ATF6: variants seen among roughly 807,000 people sequenced by gnomAD.
ATF6 encodes the protein activating transcription factor 6.
ATF6 carries 53 observed loss-of-function variants against 83.6 expected under a neutral mutation model. That is an observed-to-expected ratio of 0.63 (90% CI 0.51 to 0.80). The LOEUF (loss-of-function observed/expected upper bound fraction) is 0.80. Ranked by LOEUF, ATF6 falls within the 30% of genes least tolerant of loss-of-function variation. The pLI is 0.00. For missense variants in ATF6, 744 were observed against 797.9 expected (o/e 0.93, Z 0.81); for synonymous variants, 288 against 285.8 (o/e 1.01, Z -0.08).
At chr1:161,860,709 A>T (rs1018459228) in intron 13 of ATF6, among the ~76,000 whole-genome samples, 1 of 152,014 alleles carries the variant, frequency 6.6e-6, no homozygotes, top group Non-Finnish European at 1.5e-5. Context: ...AGTTTATTTT[A>T]TATATAGAAA....
At chr1:161,901,461 A>T (rs1687785114) in intron 14 of ATF6, among the ~76,000 whole-genome samples, 1 of 151,718 alleles carries the variant, frequency 6.6e-6, no homozygotes, top group Admixed American at 6.6e-5. Flanking sequence ...TTTAAATAAC[A>T]TTTTTAATGG....
intron 9 of ATF6, among the ~76,000 whole-genome samples, chr1:161,831,173 A>T (rs1338481916): frequency 6.6e-6 from 1 of 152,234 alleles, no homozygotes. Flanking sequence ...ACATTTATGC[A>T]GCCAAAAGAC....
chr1:161,915,187 A>C (rs917738981), intron 15 of ATF6, among the ~76,000 whole-genome samples: 21 of 152,134 alleles, frequency 1.4e-4, no homozygotes, highest in African/African-American at 4.8e-4. Context: ...AGCTGCATCT[A>C]CACCCACAAA....
intron 15 of ATF6, among the ~76,000 whole-genome samples, chr1:161,950,340 T>G (rs1205280551): frequency 3.3e-5 from 5 of 152,220 alleles, no homozygotes; most frequent in Non-Finnish European, 5.9e-5. Flanking sequence ...GAACATGTAA[T>G]TCCCATGCCT....
At chr1:161,828,702 C>G (rs1685966724) in intron 9 of ATF6, among the ~76,000 whole-genome samples, 1 of 152,124 alleles carries the variant, frequency 6.6e-6, no homozygotes, top group Non-Finnish European at 1.5e-5. Context: ...TACTCAAAGC[C>G]CCTACCTAAT....
Position 161,846,450 on chromosome 1 carries a change from A to G in ATF6, c.1189A>G (p.Met397Val), listed in dbSNP as rs1383539978. The change falls in exon 10 of 16, where the codon ATG becomes GTG. Residue 397 changes from methionine (M) to valine (V), a missense_variant and splice_region_variant. Met to Val is a conservative substitution (Grantham distance 21). Coordinates refer to ENST00000367942, the MANE Select transcript of ATF6 (RefSeq NM_007348.4). ...FIILNYGPMSMLEQDSRRMNP... is the reference protein window; with the variant it reads ...FIILNYGPMSVLEQDSRRMNP... ...TTATTTCCTGTTTTTTATTTTCAGCATGTTGGAACAGGATTCCAGGAGAAT... is the reference window on the plus strand; with the variant it reads ...TTATTTCCTGTTTTTTATTTTCAGCGTGTTGGAACAGGATTCCAGGAGAAT... 4.4e-6 allele frequency: 7 copies of G among 1,596,854 alleles called. No homozygotes were observed. Among genetic ancestry groups the G allele is most frequent in the South Asian group, 3.4e-5 (3 of 88,264 alleles).
At chr1:161,944,741 C>T (rs1688717898) in intron 15 of ATF6, among the ~76,000 whole-genome samples, 1 of 152,156 alleles carries the variant, frequency 6.6e-6, no homozygotes, top group African/African-American at 2.4e-5. Context: ...GGCAAAGAAA[C>T]CAGAAGGCAG....
At chr1:161,898,628 A>G (rs1687722609) in intron 14 of ATF6, among the ~76,000 whole-genome samples, 1 of 151,638 alleles carries the variant, frequency 6.6e-6, no homozygotes, top group African/African-American at 2.4e-5. Flanking sequence ...GCTCACTGCA[A>G]CCTCCACCTC....
intron 15 of ATF6, among the ~76,000 whole-genome samples, chr1:161,922,143 C>T (rs144102489): frequency 3.5e-4 from 53 of 152,254 alleles, no homozygotes; most frequent in South Asian, 1.5e-3. Flanking sequence ...TACAATTCAC[C>T]CTGCATACTG....
chr1:161,782,089 C>T, intron 3 of ATF6, 90 bp downstream of exon 3: 1 of 837,102 alleles, frequency 1.2e-6, no homozygotes, highest in Non-Finnish European at 1.9e-6. Flanking sequence ...GGTTATTGGG[C>T]TATTCTGGTA....
intron 14 of ATF6, among the ~76,000 whole-genome samples, chr1:161,878,068 G>GAT (rs1169018767): frequency 6.6e-6 from 1 of 152,078 alleles, no homozygotes; most frequent in Non-Finnish European, 1.5e-5. Context: ...CTCAAGAGAG[G>GAT]ATAGATCTGA....
chr1:161,882,219 T>C (rs982374566), intron 14 of ATF6, among the ~76,000 whole-genome samples: 5 of 152,116 alleles, frequency 3.3e-5, no homozygotes, highest in African/African-American at 1.2e-4. Flanking sequence ...CAATGAAATG[T>C]TATTTATATA....
intron 15 of ATF6, among the ~76,000 whole-genome samples, chr1:161,944,769 G>C (rs973151531): frequency 2.0e-5 from 3 of 152,182 alleles, no homozygotes; most frequent in African/African-American, 7.2e-5. Context: ...TAAGGCCAGG[G>C]AACTAAATAT....
intron 9 of ATF6, among the ~76,000 whole-genome samples, chr1:161,828,289 G>C (rs1032164837): frequency 6.6e-6 from 1 of 152,072 alleles, no homozygotes; most frequent in African/African-American, 2.4e-5. Flanking sequence ...ACTAAAAAAT[G>C]ATGGATTGAA....
chr1:161,881,642 G>C (rs1687329332), intron 14 of ATF6, among the ~76,000 whole-genome samples: 1 of 152,118 alleles, frequency 6.6e-6, no homozygotes, highest in Non-Finnish European at 1.5e-5. Flanking sequence ...CAGCAATCTG[G>C]AAGCTTTGCG....
At chr1:161,835,068 ATTTTT>A (rs1482671291) in intron 9 of ATF6, among the ~76,000 whole-genome samples, 2 of 152,060 alleles carry the variant, frequency 1.3e-5, no homozygotes, top group Non-Finnish European at 2.9e-5. Context: ...CTTTAATTTT[ATTTTT>A]TATTTTTATT....
At chr1:161,936,331 ATAG>A (rs1688536288) in intron 15 of ATF6, among the ~76,000 whole-genome samples, 1 of 152,092 alleles carries the variant, frequency 6.6e-6, no homozygotes. Context: ...TTGTGGGTAC[ATAG>A]TAGGTGTATA....
chr1:161,818,061 A>G (rs1039784626), intron 7 of ATF6, among the ~76,000 whole-genome samples: 2 of 147,440 alleles, frequency 1.4e-5, no homozygotes, highest in Non-Finnish European at 3.0e-5. Context: ...AGATCTCCCC[A>G]CCGTACTCCA....
At chr1:161,934,216 G>A (rs993106133) in intron 15 of ATF6, among the ~76,000 whole-genome samples, 3 of 152,092 alleles carry the variant, frequency 2.0e-5, no homozygotes, top group Non-Finnish European at 2.9e-5. Flanking sequence ...GTCTTCCCTC[G>A]GATTTGTGAT....
Sources: gnomAD v4.1 joint callset for allele counts (sites outside exome capture counted in the v4.1 genomes callset) on GRCh38, gnomAD v4.1.1 for gene constraint, MANE v1.5 for transcripts, NCBI Gene and HGNC (gene_info 2026-07-23, HGNC 2026-07-21) for gene names.